The following PPFIBP2 variants were observed in gnomAD, a reference collection of about 807,000 sequenced individuals.
PPFIBP2 encodes the protein liprin-beta-2.
Under a neutral mutation model 118.3 loss-of-function variants are expected in PPFIBP2, and 118 were observed. That is an observed-to-expected ratio of 1.00 (90% CI 0.86 to 1.16). The LOEUF is 1.16. Ranked by LOEUF, PPFIBP2 falls within the 50% of genes most tolerant of loss-of-function variation. The pLI, the probability that PPFIBP2 is intolerant of heterozygous loss-of-function variation, is 0.00. For synonymous variants in PPFIBP2, 414 were observed against 397.4 expected (o/e 1.04, Z -0.50); for missense variants, 1,195 against 1,073.1 (o/e 1.11, Z -1.59).
At chr11:7,545,766 C>A (rs1328451708) in intron 1 of PPFIBP2, among the ~76,000 whole-genome samples, 1 of 152,160 alleles carries the variant, frequency 6.6e-6, no homozygotes, top group Non-Finnish European at 1.5e-5. Flanking sequence ...TCATAATAAG[C>A]GCCTTTCAAC....
chr11:7,666,258 C>T, the PPFIBP2 span: 14 of 596,850 alleles, frequency 2.3e-5, no homozygotes, highest in African/African-American at 1.7e-4. Context: ...CTCTCGATTG[C>T]CCTTAAAAGC....
chr11:7,525,722 A>G (rs1184663081), intron 1 of PPFIBP2, among the ~76,000 whole-genome samples: 1 of 152,186 alleles, frequency 6.6e-6, no homozygotes, highest in African/African-American at 2.4e-5. Flanking sequence ...TGAGTGTCCT[A>G]CCCATCTATG....
intron 1 of PPFIBP2, chr11:7,539,497 G>A (rs1361749627): frequency 6.6e-6 from 1 of 152,544 alleles, no homozygotes; most frequent in African/African-American, 2.4e-5. Context: ...AGAAGGTGGG[G>A]ACAACTTGAA....
At chr11:7,652,195 G>A (rs747974879) in intron 23 of PPFIBP2, among the ~76,000 whole-genome samples, 1 of 152,240 alleles carries the variant, frequency 6.6e-6, no homozygotes. Flanking sequence ...GCCTGCCTGC[G>A]TGCCGCAATG....
At chr11:7,665,572 A>G in the PPFIBP2 span, 12 of 1,577,862 alleles carry the variant, frequency 7.6e-6, no homozygotes, top group East Asian at 2.5e-4. Flanking sequence ...TGCAGGAGCA[A>G]GCTGAGCGAT....
chr11:7,534,489 C>T (rs1033998924), intron 1 of PPFIBP2, among the ~76,000 whole-genome samples: 2 of 152,054 alleles, frequency 1.3e-5, no homozygotes, highest in African/African-American at 4.8e-5. Flanking sequence ...ATTTGTTCCT[C>T]CCTGGAGGTA....
chr11:7,623,369 C>T (rs1411585473), intron 7 of PPFIBP2, among the ~76,000 whole-genome samples: 1 of 152,218 alleles, frequency 6.6e-6, no homozygotes, highest in East Asian at 1.9e-4. Flanking sequence ...CCACACAGCC[C>T]TAGCCATGGT....
rs1221024304 is a variant in PPFIBP2 at position 7,625,807 on chromosome 11, G to A, written c.742G>A (p.Ala248Thr). ...AGTCGCCCAGCTGCAAGAACAGGTG[G>A]CCCTGAAAGATGCAGAAATTGAGCG... is the stretch of plus-strand genomic sequence containing the variant. Reference protein sequence around the residue: ...AEVAQLQEQVALKDAEIERLH... With the variant: ...AEVAQLQEQVTLKDAEIERLH... The change falls in exon 8 of 24, where the codon GCC (alanine) becomes ACC (threonine). Residue 248 changes from alanine (A) to threonine (T), a missense_variant. Coordinates refer to ENST00000299492, the MANE Select transcript of PPFIBP2 (RefSeq NM_003621.5). The A allele has an allele frequency of 6.2e-7, 1 of 1,614,224 alleles. No individual in the cohort carries two copies. The highest frequency in any genetic ancestry group is 1.3e-5 in the African/African-American group (1 of 75,058).
chr11:7,620,800 G>A (rs10769813), intron 6 of PPFIBP2, 135 bp from the exon 7 acceptor site: 326,030 of 669,744 alleles, frequency 0.49, 83,335 homozygotes, highest in East Asian at 0.87. Flanking sequence ...AACAAGGGAC[G>A]TGTTTAAAGA....
downstream of PPFIBP2, among the ~76,000 whole-genome samples, chr11:7,657,853 C>A (rs2136085309): frequency 6.6e-6 from 1 of 152,350 alleles, no homozygotes; most frequent in East Asian, 1.9e-4. Flanking sequence ...TTCTTGTCGT[C>A]TTACCATACC....
At chr11:7,521,149 C>A (rs1011678181) in intron 1 of PPFIBP2, among the ~76,000 whole-genome samples, 7 of 152,228 alleles carry the variant, frequency 4.6e-5, no homozygotes, top group Non-Finnish European at 1.0e-4. Context: ...CTTACTTTCA[C>A]TTCCTCTCTC....
chr11:7,568,674 C>T (rs1299516018), intron 3 of PPFIBP2, among the ~76,000 whole-genome samples: 6 of 152,164 alleles, frequency 3.9e-5, no homozygotes, highest in African/African-American at 1.4e-4. Context: ...AGGAAGACAG[C>T]TCAGAGTGAC....
At chr11:7,579,787 G>C (rs1856989284) in intron 3 of PPFIBP2, among the ~76,000 whole-genome samples, 1 of 152,078 alleles carries the variant, frequency 6.6e-6, no homozygotes, top group African/African-American at 2.4e-5. Context: ...GAAACCCCCA[G>C]GATGACTCAT....
chr11:7,642,703 C>G (rs923769242), intron 17 of PPFIBP2, among the ~76,000 whole-genome samples: 1 of 152,180 alleles, frequency 6.6e-6, no homozygotes, highest in Admixed American at 6.5e-5. Context: ...CTGTAACTCT[C>G]TTCAGTTTAG....
At position 7,549,363 on chromosome 11, in the gene PPFIBP2, G is replaced by A. The variant is rs1007770636; in HGVS notation, c.-36-77G>A. 9 of 1,286,834 alleles carry A rather than the reference G, an allele frequency of 7.0e-6. No individual in the cohort carries two copies. In the African/African-American group the frequency reaches 1.3e-4, roughly 19 times the overall value. The allele number at this position is 1,286,834 out of a possible 1,614,324, so 79.7% of individuals were successfully genotyped here. On this transcript the variant is annotated intron_variant, in intron 1 of 23. Transcript: ENST00000299492. ...AAAACACGTTGTGTGATGATGGAAT[G>A]AAAGATTTTTGCGATCTTGTGTGCG...
At chr11:7,665,813 A>C in the PPFIBP2 span, 1 of 1,523,144 alleles carries the variant, frequency 6.6e-7, no homozygotes, top group South Asian at 1.2e-5. Flanking sequence ...GAAGGAGAAC[A>C]CAACGAGGTA....
chr11:7,547,632 A>G (rs891747654), intron 1 of PPFIBP2, among the ~76,000 whole-genome samples: 2 of 152,006 alleles, frequency 1.3e-5, no homozygotes, highest in African/African-American at 4.8e-5. Flanking sequence ...TTCGCTCTGT[A>G]GCGGCCTGGC....
At chr11:7,562,236 G>A (rs888867111) in intron 2 of PPFIBP2, among the ~76,000 whole-genome samples, 1 of 152,210 alleles carries the variant, frequency 6.6e-6, no homozygotes, top group Non-Finnish European at 1.5e-5. Context: ...CTAGGGCTGG[G>A]AACACCTGGG....
chr11:7,553,078 C>G (rs1245483428), intron 2 of PPFIBP2, among the ~76,000 whole-genome samples: 1 of 151,712 alleles, frequency 6.6e-6, no homozygotes, highest in Non-Finnish European at 1.5e-5. Context: ...TTTTCATTTG[C>G]TTTTGTGACT....
Sources: gnomAD v4.1 joint callset for allele counts (sites outside exome capture counted in the v4.1 genomes callset) on GRCh38, gnomAD v4.1.1 for gene constraint, MANE v1.5 for transcripts, NCBI Gene and HGNC (gene_info 2026-07-23, HGNC 2026-07-21) for gene names.